DMD: variants seen among roughly 807,000 people sequenced by gnomAD.
DMD encodes the protein dystrophin, also known as mutant dystrophin.
In DMD, 63 loss-of-function variants were observed where a neutral mutation model predicts 330.1. The ratio of observed to expected loss-of-function variants is 0.19; its 90% CI spans 0.16 to 0.24. The LOEUF (loss-of-function observed/expected upper bound fraction) is 0.24. Ranked by LOEUF, DMD falls within the 10% of genes least tolerant of loss-of-function variation. The pLI, the probability that DMD is intolerant of heterozygous loss-of-function variation, is 1.00. For synonymous variants in DMD, 1,223 were observed against 959.8 expected (o/e 1.27, Z -5.07); for missense variants, 3,344 against 2,684.1 (o/e 1.25, Z -5.43).
At chrX:31,955,621 T>C (rs761675488) in intron 45 of DMD, among the ~76,000 whole-genome samples, 1 of 112,362 alleles carries the variant, frequency 8.9e-6, no homozygotes, top group African/African-American at 3.2e-5. Context: ...TGGGAAACAT[T>C]TGTAAAACTC....
intron 57 of DMD, among the ~76,000 whole-genome samples, chrX:31,489,243 C>A (rs1170166964): frequency 8.9e-6 from 1 of 112,094 alleles, no homozygotes; most frequent in Non-Finnish European, 1.9e-5. Context: ...CAAGTTCAAG[C>A]GATTCTGGTA....
At chrX:32,490,991 A>G (rs2042937925) in intron 20 of DMD, among the ~76,000 whole-genome samples, 1 of 112,179 alleles carries the variant, frequency 8.9e-6, no homozygotes, top group Non-Finnish European at 1.9e-5. Context: ...GCCATTTTTT[A>G]CAGGATACAT....
At chrX:32,669,262 G>A in intron 9 of DMD, among the ~76,000 whole-genome samples, 1 of 111,326 alleles carries the variant, frequency 9.0e-6, no homozygotes, top group Non-Finnish European at 1.9e-5. Flanking sequence ...CCCTCTCACA[G>A]CACACAAGTA....
Position 31,679,394 on chromosome X carries a change from T to C in DMD, c.7853A>G (p.Lys2618Arg), listed in dbSNP as rs972664841. The C allele has an allele frequency of 6.6e-6, 8 of 1,207,602 alleles. No homozygotes were observed. Among genetic ancestry groups the C allele is most frequent in the Admixed American group, 2.2e-5 (1 of 45,620 alleles). ...EGPYTVDAIQ[K>R]KITETKQLAK... Reference sequence around the variant, plus strand: ...ACTAACCTTGGTTTCTGTGATTTTCTTTTGGATTGCATCTACTGTATAGGG... The same window carrying C: ...ACTAACCTTGGTTTCTGTGATTTTCCTTTGGATTGCATCTACTGTATAGGG... The change falls in exon 53 of 79, where the codon AAG (lysine) becomes AGG (arginine). Residue 2618 changes from lysine to arginine, a missense_variant. Coordinates refer to ENST00000357033, the MANE Select transcript of DMD (RefSeq NM_004006.3).
Position 31,452,507 on chromosome X carries a change from C to T in DMD, c.8938-7880G>A, listed in dbSNP as rs759224773. On this transcript the variant is annotated intron_variant, in intron 59 of 78. Coordinates refer to ENST00000357033, the MANE Select transcript of DMD (RefSeq NM_004006.3). ...CTGAGGCAGGAGAATTGCTTGAACCCGGGAGGTGGAGGTTGCAGTGAGCTG... is the reference window on the plus strand; with the variant it reads ...CTGAGGCAGGAGAATTGCTTGAACCTGGGAGGTGGAGGTTGCAGTGAGCTG... Among the ~76,000 whole-genome samples, 618 of 110,795 alleles carry T rather than the reference C, an allele frequency of 5.6e-3. 4 individuals carry two copies. Among genetic ancestry groups the T allele is most frequent in the African/African-American group, 0.02 (595 of 30,157 alleles).
In DMD at chrX:31,551,457, T is replaced by A. The variant is rs1355416587; in HGVS notation, c.8218-44004A>T. On this transcript the variant is annotated intron_variant, in intron 55 of 78. Coordinates refer to ENST00000357033, the MANE Select transcript of DMD (RefSeq NM_004006.3). ...GGATACCTGCAGCATCTGTTCTACA[T>A]GGTATTTGATATTACCCTCAATATG... 3.6e-5 allele frequency among the ~76,000 whole-genome samples: 4 copies of A among 111,442 alleles called. No homozygotes were observed. In the East Asian group the frequency reaches 1.1e-3, roughly 31 times the overall value.
At chrX:33,281,392 C>T (rs779361663) in intron 1 of DMD, among the ~76,000 whole-genome samples, 53 of 109,743 alleles carry the variant, frequency 4.8e-4, no homozygotes, top group South Asian at 7.8e-4. Context: ...TATTTTTAGT[C>T]GAGACAGGGT....
At chrX:31,196,270 CA>C (rs1444881748) in intron 67 of DMD, among the ~76,000 whole-genome samples, 1 of 111,605 alleles carries the variant, frequency 9.0e-6, no homozygotes, top group Non-Finnish European at 1.9e-5. Flanking sequence ...TCATGGCAGC[CA>C]GCTATCTCTA....
At chrX:32,184,591 G>A (rs1292934603) in intron 44 of DMD, among the ~76,000 whole-genome samples, 1 of 110,938 alleles carries the variant, frequency 9.0e-6, no homozygotes, top group Non-Finnish European at 1.9e-5. Context: ...ATGATCTATC[G>A]GCTGACAACT....
At chrX:32,311,272 A>T (rs1224458687) in intron 41 of DMD, among the ~76,000 whole-genome samples, 1 of 111,028 alleles carries the variant, frequency 9.0e-6, no homozygotes, top group Non-Finnish European at 1.9e-5. Context: ...AGTACAAACG[A>T]TAAGCATGCT....
At chrX:31,686,721 T>C (rs1402995442) in intron 52 of DMD, among the ~76,000 whole-genome samples, 2 of 112,162 alleles carry the variant, frequency 1.8e-5, no homozygotes, top group African/African-American at 3.2e-5. Context: ...GCATATCCTA[T>C]TGCCTGTGTC....
At chrX:31,290,766 T>G (rs1440419012) in intron 62 of DMD, among the ~76,000 whole-genome samples, 1 of 111,706 alleles carries the variant, frequency 9.0e-6, no homozygotes, top group Non-Finnish European at 1.9e-5. Flanking sequence ...TATATAACCT[T>G]GAAAAGAAAC....
At chrX:32,735,052 G>A (rs1296133186) in intron 7 of DMD, among the ~76,000 whole-genome samples, 1 of 110,833 alleles carries the variant, frequency 9.0e-6, no homozygotes, top group Non-Finnish European at 1.9e-5. Flanking sequence ...AAGCTGATAG[G>A]GAACTTCAGC....
At chrX:31,225,644 G>C (rs1034368289) in intron 63 of DMD, among the ~76,000 whole-genome samples, 1 of 111,883 alleles carries the variant, frequency 8.9e-6, no homozygotes, top group Non-Finnish European at 1.9e-5. Flanking sequence ...GAATCACCTG[G>C]AGTGGATAGT....
chrX:33,290,240 T>C (rs2053493179), intron 1 of DMD, among the ~76,000 whole-genome samples: 1 of 111,596 alleles, frequency 9.0e-6, no homozygotes, highest in Non-Finnish European at 1.9e-5. Flanking sequence ...ATTACACTTA[T>C]GACTTTATAA....
intron 9 of DMD, 142 bp downstream of exon 9, chrX:32,697,728 G>C: frequency 2.7e-6 from 2 of 752,699 alleles, no homozygotes; most frequent in African/African-American, 2.1e-5. Flanking sequence ...TCACATGAGG[G>C]AATCAATAAA....
intron 43 of DMD, among the ~76,000 whole-genome samples, chrX:32,228,120 T>C (rs1415430440): frequency 9.0e-6 from 1 of 111,728 alleles, no homozygotes; most frequent in Non-Finnish European, 1.9e-5. Flanking sequence ...TTGAGATAAA[T>C]TGATAAGTAC....
intron 9 of DMD, among the ~76,000 whole-genome samples, chrX:32,667,382 G>A (rs943174536): frequency 5.4e-5 from 6 of 111,958 alleles, no homozygotes; most frequent in African/African-American, 1.9e-4. Flanking sequence ...AAAAAAGTTT[G>A]TTCCAAATTA....
chrX:33,119,558 C>G (rs1569555659), intron 1 of DMD, among the ~76,000 whole-genome samples: 1 of 112,279 alleles, frequency 8.9e-6, no homozygotes, highest in Non-Finnish European at 1.9e-5. Flanking sequence ...AGTACAGAGA[C>G]TGGCATTTGA....
Sources: gnomAD v4.1 joint callset for allele counts (sites outside exome capture counted in the v4.1 genomes callset) on GRCh38, gnomAD v4.1.1 for gene constraint, MANE v1.5 for transcripts, NCBI Gene and HGNC (gene_info 2026-07-23, HGNC 2026-07-21) for gene names.